The following PIWIL1 variants were observed in gnomAD, a reference collection of about 807,000 sequenced individuals.
PIWIL1 encodes piwi-like protein 1.
Under a neutral mutation model 114.4 loss-of-function variants are expected in PIWIL1, and 73 were observed. That is an observed-to-expected ratio of 0.64 (90% CI 0.53 to 0.78). PIWIL1 has a LOEUF of 0.78. Ranked by LOEUF, PIWIL1 falls within the 30% of genes least tolerant of loss-of-function variation. PIWIL1 has a pLI of 0.00. For missense variants in PIWIL1, 723 were observed against 1,063.1 expected, an observed-to-expected ratio of 0.68 and a Z score of 4.45; for synonymous variants, 375 against 369.0, an observed-to-expected ratio of 1.02 and a Z score of -0.19.
chr12:130,351,620 C>G (rs1437570314), intron 9 of PIWIL1: 2 of 152,128 alleles, frequency 1.3e-5, no homozygotes, highest in Non-Finnish European at 2.9e-5. Flanking sequence ...TTTATATACC[C>G]CATGCCTAAG....
intron 19 of PIWIL1, among the ~76,000 whole-genome samples, chr12:130,369,868 G>C (rs184974356): frequency 6.6e-6 from 1 of 152,204 alleles, no homozygotes; most frequent in Non-Finnish European, 1.5e-5. Flanking sequence ...TTCTCTTGCT[G>C]TGCAGAAATT....
chr12:130,356,514 G>GT (rs146971602), intron 12 of PIWIL1, among the ~76,000 whole-genome samples: 12,697 of 152,066 alleles, frequency 0.083, 1,705 homozygotes, highest in African/African-American at 0.29. Flanking sequence ...GCTGTCAGAT[G>GT]TTTTTGTAGC....
downstream of PIWIL1, among the ~76,000 whole-genome samples, chr12:130,376,477 G>A (rs758477836): frequency 1.2e-4 from 18 of 152,114 alleles, no homozygotes; most frequent in Non-Finnish European, 2.4e-4. Flanking sequence ...AGATTTCCAG[G>A]GGCCTCCAGA....
At chr12:130,410,446 T>G in the PIWIL1 span, among the ~76,000 whole-genome samples, 27 of 152,304 alleles carry the variant, frequency 1.8e-4, no homozygotes, top group East Asian at 4.8e-3. Context: ...GTTGCCTGAT[T>G]ATTATAAAGT....
the PIWIL1 span, among the ~76,000 whole-genome samples, chr12:130,380,490 G>A: frequency 1.3e-5 from 2 of 152,334 alleles, no homozygotes; most frequent in East Asian, 1.9e-4. Flanking sequence ...GTGTCGGGGT[G>A]GAGGGGAAAG....
chr12:130,409,488 G>A, the PIWIL1 span, among the ~76,000 whole-genome samples: 4 of 151,860 alleles, frequency 2.6e-5, no homozygotes, highest in East Asian at 1.9e-4. Flanking sequence ...GACTGCAGGC[G>A]CCCGCCACCA....
the PIWIL1 span, among the ~76,000 whole-genome samples, chr12:130,419,298 G>GC: frequency 6.6e-6 from 1 of 152,198 alleles, no homozygotes; most frequent in Non-Finnish European, 1.5e-5. The surrounding 1 kb of genome is among the most constrained non-coding windows in gnomAD (Gnocchi z 4.3). Context: ...AAGTGTGCTG[G>GC]CCCAAGGGGT....
intron 14 of PIWIL1, among the ~76,000 whole-genome samples, chr12:130,358,666 T>C (rs766469635): frequency 6.6e-6 from 1 of 152,160 alleles, no homozygotes; most frequent in Non-Finnish European, 1.5e-5. Context: ...TGTTTTGAAT[T>C]ATTCAGGGGA....
chr12:130,364,372 C>T (rs2073597273), intron 18 of PIWIL1, among the ~76,000 whole-genome samples: 2 of 152,198 alleles, frequency 1.3e-5, no homozygotes, highest in Admixed American at 6.5e-5. Context: ...AAAGGACAAG[C>T]ACCAAGAGGT....
At chr12:130,395,132 G>A in the PIWIL1 span, among the ~76,000 whole-genome samples, 1 of 152,188 alleles carries the variant, frequency 6.6e-6, no homozygotes, top group East Asian at 1.9e-4. Context: ...TTAACTGCAA[G>A]AGGAAATGGT....
At chr12:130,392,257 C>CAT in the PIWIL1 span, among the ~76,000 whole-genome samples, 2 of 51,304 alleles carry the variant, frequency 3.9e-5, no homozygotes, top group African/African-American at 1.1e-4. Context: ...ACCGTCATCA[C>CAT]GTGTCCGTCA....
chr12:130,402,555 C>G, the PIWIL1 span, among the ~76,000 whole-genome samples: 7 of 152,188 alleles, frequency 4.6e-5, no homozygotes, highest in Middle Eastern at 3.4e-3. Context: ...ATAACTTTCT[C>G]TAAAAAAATT....
intron 16 of PIWIL1, among the ~76,000 whole-genome samples, 170 bp from the exon 17 acceptor site, chr12:130,362,596 G>GCTC (rs2073544500): frequency 6.6e-6 from 1 of 152,218 alleles, no homozygotes; most frequent in African/African-American, 2.4e-5. Flanking sequence ...CTTGTATCCT[G>GCTC]CTCCTTCTGT....
the PIWIL1 span, chr12:130,424,222 TC>T: frequency 8.1e-7 from 1 of 1,231,746 alleles, no homozygotes; most frequent in Non-Finnish European, 1.0e-6. This position sits in a 1 kb window ranked among gnomAD's most constrained non-coding sequence, Gnocchi z 9.8. Context: ...ATGCTTTTCT[TC>T]CAGACACCCC....
At chr12:130,355,300 T>A (rs1418397656) in intron 11 of PIWIL1, among the ~76,000 whole-genome samples, 1 of 152,226 alleles carries the variant, frequency 6.6e-6, no homozygotes, top group African/African-American at 2.4e-5. Flanking sequence ...CTATCTTTGT[T>A]ATATCAAGGG....
chr12:130,371,604 A>C lies in PIWIL1; in HGVS notation c.*6A>C. The C allele has an allele frequency of 6.5e-7, 1 of 1,527,432 alleles. No homozygotes were observed. Among genetic ancestry groups the C allele is most frequent in the Non-Finnish European group, 9.0e-7 (1 of 1,107,154 alleles). The allele number at this position is 1,527,432 out of a possible 1,614,324, so 94.6% of individuals were successfully genotyped here. ...ACCGCCTTTACTACCTCTAACCTGC[A>C]GAAGACGATGCAGCCGCTTTTCTTT... On this transcript the variant is annotated 3_prime_UTR_variant, in exon 21 of 21. Coordinates refer to ENST00000245255, the MANE Select transcript of PIWIL1 (RefSeq NM_004764.5).
chr12:130,366,928 T>C (rs2073675909), intron 18 of PIWIL1, among the ~76,000 whole-genome samples: 1 of 152,220 alleles, frequency 6.6e-6, no homozygotes, highest in South Asian at 2.1e-4. Context: ...AGGACATATG[T>C]GCCATTTGGT....
At chr12:130,381,698 G>A in the PIWIL1 span, among the ~76,000 whole-genome samples, 1 of 152,194 alleles carries the variant, frequency 6.6e-6, no homozygotes, top group Non-Finnish European at 1.5e-5. Flanking sequence ...TGCTTCGTAA[G>A]GTAAGACTAT....
At chr12:130,366,717 A>G (rs2073669790) in intron 18 of PIWIL1, 2 of 159,700 alleles carry the variant, frequency 1.3e-5, no homozygotes, top group Non-Finnish European at 2.7e-5. Flanking sequence ...GTGAAACGGT[A>G]ATTTTGAAAA....
Sources: gnomAD v4.1 joint callset for allele counts (sites outside exome capture counted in the v4.1 genomes callset) on GRCh38, gnomAD v4.1.1 for gene constraint, Gnocchi (gnomAD v3.1) non-coding constraint, MANE v1.5 for transcripts, NCBI Gene and HGNC (gene_info 2026-07-23, HGNC 2026-07-21) for gene names.